SLIT3: variants seen among roughly 807,000 people sequenced by gnomAD.
SLIT3 encodes the protein slit homolog 3 protein.
A neutral mutation model predicts 184.0 loss-of-function variants in SLIT3; 68 were observed. That is an observed-to-expected ratio of 0.37 (90% CI 0.30 to 0.45). The LOEUF (loss-of-function observed/expected upper bound fraction) is 0.45, where lower values mean the gene tolerates loss of function less well. SLIT3 is among the 20% of genes least tolerant of loss of function. SLIT3 has a pLI of 1.00. For missense variants in SLIT3, 1,707 were observed against 2,026.0 expected (o/e 0.84, Z 3.02); for synonymous variants, 831 against 828.6 (o/e 1.00, Z -0.05).
chr5:168,768,330 C>A, intron 14 of SLIT3: 1 of 464,084 alleles, frequency 2.2e-6, no homozygotes, highest in Non-Finnish European at 4.4e-6. Flanking sequence ...AAGCGGAAGC[C>A]GGAGCAGGCC....
At chr5:168,940,402 C>T (rs1404697917) in intron 4 of SLIT3, among the ~76,000 whole-genome samples, 1 of 152,136 alleles carries the variant, frequency 6.6e-6, no homozygotes, top group African/African-American at 2.4e-5. Flanking sequence ...AGAACCACAT[C>T]TCTGAACATA....
At chr5:169,185,490 C>T (rs551190022) in intron 4 of SLIT3, among the ~76,000 whole-genome samples, 1 of 152,310 alleles carries the variant, frequency 6.6e-6, no homozygotes, top group African/African-American at 2.4e-5. Context: ...TTCTGTTGTG[C>T]TATTATCATT....
chr5:168,788,782 C>G (rs1486285714), intron 11 of SLIT3, among the ~76,000 whole-genome samples: 3 of 151,824 alleles, frequency 2.0e-5, no homozygotes, highest in Non-Finnish European at 4.4e-5. Context: ...TTGACAGACT[C>G]CTAGAACAGT....
chr5:169,109,639 A>T (rs1034581516), intron 4 of SLIT3, among the ~76,000 whole-genome samples: 13 of 152,208 alleles, frequency 8.5e-5, no homozygotes, highest in Admixed American at 6.5e-4. Context: ...TCTCTGGAAG[A>T]ACAAAACTAA....
chr5:168,787,244 G>T (rs116331377), intron 11 of SLIT3, among the ~76,000 whole-genome samples: 2 of 152,210 alleles, frequency 1.3e-5, no homozygotes, highest in African/African-American at 4.8e-5. Context: ...CTGTCTGCCC[G>T]TGTCAGCTGA....
At chr5:169,058,418 A>T (rs1758077522) in intron 4 of SLIT3, among the ~76,000 whole-genome samples, 1 of 152,208 alleles carries the variant, frequency 6.6e-6, no homozygotes, top group Non-Finnish European at 1.5e-5. Flanking sequence ...TAGATCTGAA[A>T]GGTAAGAACG....
intron 32 of SLIT3, among the ~76,000 whole-genome samples, chr5:168,678,539 C>A (rs1432002455): frequency 7.2e-5 from 11 of 151,892 alleles, no homozygotes; most frequent in Admixed American, 7.2e-4. Context: ...AAAAATTAGC[C>A]GGGCGTGGTG....
At chr5:169,198,953 T>TACACACACACACACAC (rs58669966) in intron 3 of SLIT3, among the ~76,000 whole-genome samples, 3 of 142,078 alleles carry the variant, frequency 2.1e-5, no homozygotes, top group African/African-American at 2.7e-5. Flanking sequence ...AAACAAACTA[T>TACACACACACACACAC]ACACACACAC....
chr5:168,915,398 A>G (rs1442259094), intron 4 of SLIT3, among the ~76,000 whole-genome samples: 1 of 152,140 alleles, frequency 6.6e-6, no homozygotes, highest in Non-Finnish European at 1.5e-5. Context: ...CAATTGATCA[A>G]TCTCGGCATG....
chr5:168,818,865 C>A (rs1206599250), intron 7 of SLIT3, among the ~76,000 whole-genome samples: 1 of 152,266 alleles, frequency 6.6e-6, no homozygotes, highest in Non-Finnish European at 1.5e-5. Context: ...GCCACTGGGG[C>A]CTTGGCCGCC....
intron 4 of SLIT3, among the ~76,000 whole-genome samples, chr5:168,893,366 C>T (rs1284881479): frequency 6.6e-6 from 1 of 152,174 alleles, no homozygotes; most frequent in Admixed American, 6.5e-5. Flanking sequence ...GGTCCCCACC[C>T]CCTCTGTCCC....
chr5:169,032,999 T>C (rs1372603192), intron 4 of SLIT3, among the ~76,000 whole-genome samples: 1 of 140,784 alleles, frequency 7.1e-6, no homozygotes, highest in Non-Finnish European at 1.5e-5. Context: ...ATCCCAAATA[T>C]AGCACAGTTT....
chr5:168,933,482 C>A (rs1311654860), intron 4 of SLIT3, among the ~76,000 whole-genome samples: 1 of 151,916 alleles, frequency 6.6e-6, no homozygotes, highest in Non-Finnish European at 1.5e-5. Flanking sequence ...GCGGAGGTTG[C>A]AGTGAGCTAA....
At chr5:169,124,634 A>G (rs892594615) in intron 4 of SLIT3, among the ~76,000 whole-genome samples, 5 of 152,386 alleles carry the variant, frequency 3.3e-5, no homozygotes, top group African/African-American at 1.2e-4. Context: ...AAAGCCATCT[A>G]AAGAAAGAAG....
At chr5:168,731,756 C>A (rs1763296394) in intron 20 of SLIT3, among the ~76,000 whole-genome samples, 1 of 151,992 alleles carries the variant, frequency 6.6e-6, no homozygotes, top group Non-Finnish European at 1.5e-5. Context: ...TTCAGCATCC[C>A]TTCATGATAA....
chr5:168,917,419 A>T (rs1761479765), intron 4 of SLIT3, among the ~76,000 whole-genome samples: 1 of 152,220 alleles, frequency 6.6e-6, no homozygotes, highest in African/African-American at 2.4e-5. Context: ...CACTACAGGC[A>T]TGGAAAGAAC....
chr5:169,063,166 G>A (rs889650217), intron 4 of SLIT3, among the ~76,000 whole-genome samples: 9 of 152,274 alleles, frequency 5.9e-5, no homozygotes, highest in South Asian at 2.1e-4. Flanking sequence ...TTGAGCCCCC[G>A]TGCCAGCCCT....
chr5:169,171,088 A>G (rs141594853), intron 4 of SLIT3, among the ~76,000 whole-genome samples: 1 of 152,340 alleles, frequency 6.6e-6, no homozygotes, highest in Non-Finnish European at 1.5e-5. Flanking sequence ...TCTGCTGACC[A>G]TGCTGAGGAA....
intron 20 of SLIT3, among the ~76,000 whole-genome samples, chr5:168,732,165 G>A (rs1456842542): frequency 6.6e-6 from 1 of 151,676 alleles, no homozygotes; most frequent in Admixed American, 6.6e-5. Context: ...TCTAGTCAAG[G>A]ACCAAATCAA....
Sources: gnomAD v4.1 joint callset for allele counts (sites outside exome capture counted in the v4.1 genomes callset) on GRCh38, gnomAD v4.1.1 for gene constraint, MANE v1.5 for transcripts, NCBI Gene and HGNC (gene_info 2026-07-23, HGNC 2026-07-21) for gene names.